The following CDC23 variants were observed in gnomAD, a reference collection of about 807,000 sequenced individuals.
CDC23 encodes cell division cycle 23.
In CDC23, 26 loss-of-function variants were observed where a neutral mutation model predicts 81.7. The ratio of observed to expected loss-of-function variants is 0.32; its 90% CI spans 0.23 to 0.44. The LOEUF (loss-of-function observed/expected upper bound fraction) is 0.44, where lower values mean the gene tolerates loss of function less well. CDC23 is among the 20% of genes least tolerant of loss of function. The pLI is 1.00. For missense variants in CDC23, 519 were observed against 728.0 expected (o/e 0.71, Z 3.30); for synonymous variants, 267 against 270.8 (o/e 0.99, Z 0.14).
chr5:138,199,050 G>C (rs1754953791), intron 6 of CDC23, among the ~76,000 whole-genome samples: 1 of 152,082 alleles, frequency 6.6e-6, no homozygotes, highest in Admixed American at 6.6e-5. Context: ...AAAGGGGAGA[G>C]GAAGAGAAAG....
intron 9 of CDC23, among the ~76,000 whole-genome samples, chr5:138,193,309 A>AC (rs1276300555): frequency 6.6e-6 from 1 of 152,140 alleles, no homozygotes; most frequent in East Asian, 1.9e-4. Context: ...CTAAAGAGGT[A>AC]CCCAGGCTGG....
chr5:138,194,785 G>A (rs180898942), intron 9 of CDC23, among the ~76,000 whole-genome samples: 12 of 144,718 alleles, frequency 8.3e-5, no homozygotes, highest in African/African-American at 3.1e-4. Context: ...GCAATGGTAC[G>A]ACCTTGGCTC....
chr5:138,195,722 GTATATATATA>G lies in CDC23; in HGVS notation c.1012+2467_1012+2476del, dbSNP rs1754889743. On this transcript the variant is annotated intron_variant, in intron 9 of 15. Transcript: ENST00000394886. ...ATGCATATATACATATAATATATAT[GTATATATATA>G]CATATAATATATATGTATATATATA... is the stretch of plus-strand genomic sequence containing the variant. Among the ~76,000 whole-genome samples, 11 of 52,428 alleles carry G rather than the reference GTATATATATA, an allele frequency of 2.1e-4. No individual in the cohort carries two copies. In the Admixed American group the frequency reaches 2.9e-3, roughly 14 times the overall value. 34.4% of individuals were successfully genotyped at this position (52,428 alleles called of 152,430 possible).
chr5:138,198,292 G>A lies in CDC23; in HGVS notation c.931-12C>T. On this transcript the variant is annotated splice_polypyrimidine_tract_variant and intron_variant, in intron 8 of 15. Transcript: ENST00000394886. ...TCCGATTTCATGCTCTGGGATAAAA[G>A]AAAAAGACAATATAAGCATGAAAAA... The A allele has an allele frequency of 1.2e-6, 2 of 1,609,452 alleles. No homozygotes were observed. The highest frequency in any genetic ancestry group is 1.7e-6 in the Non-Finnish European group (2 of 1,176,314).
chr5:138,203,470 G>A (rs1465794503), intron 3 of CDC23, among the ~76,000 whole-genome samples: 2 of 151,850 alleles, frequency 1.3e-5, no homozygotes, highest in African/African-American at 4.8e-5. Context: ...AAACAGGGAG[G>A]GAAGATTTAT....
At chr5:138,194,570 G>A (rs2126580821) in intron 9 of CDC23, among the ~76,000 whole-genome samples, 1 of 152,262 alleles carries the variant, frequency 6.6e-6, no homozygotes, top group African/African-American at 2.4e-5. Context: ...ATACACACGA[G>A]GGAACTTTTT....
At chr5:138,202,086 CA>C in intron 4 of CDC23, 26 bp downstream of exon 4, 1 of 1,589,918 alleles carries the variant, frequency 6.3e-7, no homozygotes, top group South Asian at 1.1e-5. Flanking sequence ...CTTTTTAGGT[CA>C]AAAGGTAAAA....
chr5:138,213,072 C>T lies in CDC23; in HGVS notation c.162-9G>A. ...AAGCCAACTCCGCCGACCTGGAACACCCACACAAACTAGATCAGCTCGACA... is the reference window on the plus strand; with the variant it reads ...AAGCCAACTCCGCCGACCTGGAACATCCACACAAACTAGATCAGCTCGACA... On this transcript the variant is annotated splice_polypyrimidine_tract_variant and intron_variant, in intron 1 of 15. Transcript: ENST00000394886. The T allele has an allele frequency of 6.2e-7, 1 of 1,614,100 alleles. No individual in the cohort carries two copies. Among genetic ancestry groups the T allele is most frequent in the Non-Finnish European group, 8.5e-7 (1 of 1,180,002 alleles).
intron 12 of CDC23, 75 bp from the exon 13 acceptor site, chr5:138,191,610 C>T (rs1445528340): frequency 7.3e-7 from 1 of 1,370,372 alleles, no homozygotes; most frequent in Non-Finnish European, 1.0e-6. Flanking sequence ...GGTTAAGACC[C>T]TGCAAGCCTC....
chr5:138,193,559 G>C (rs1302932427), intron 9 of CDC23, among the ~76,000 whole-genome samples: 2 of 151,460 alleles, frequency 1.3e-5, no homozygotes, highest in Non-Finnish European at 2.9e-5. Flanking sequence ...TCGTGCCACT[G>C]CACTCCAGCT....
At chr5:138,201,004 A>T (rs1754982859) in intron 6 of CDC23, 103 bp downstream of exon 6, 2 of 1,298,934 alleles carry the variant, frequency 1.5e-6, no homozygotes, top group East Asian at 4.7e-5. Context: ...CAAAGGGAGA[A>T]CTATAACCAA....
Position 138,189,114 on chromosome 5 carries a change from A to G in CDC23, c.1658T>C (p.Ile553Thr). 1 of 1,614,112 alleles carries G rather than the reference A, an allele frequency of 6.2e-7. No individual in the cohort carries two copies. Among genetic ancestry groups the G allele is most frequent in the Non-Finnish European group, 8.5e-7 (1 of 1,179,986 alleles). ...CTCGCCTTGGTTCCGAAGCTGTAGGATTTGCCGGAGTAAGGCCTTACCTTC... is the reference window on the plus strand; with the variant it reads ...CTCGCCTTGGTTCCGAAGCTGTAGGGTTTGCCGGAGTAAGGCCTTACCTTC... ...REEGKALLRQ[I>T]LQLRNQGETP... Residue 553 changes from isoleucine to threonine, a missense_variant, in exon 16 of 16, where the codon ATC becomes ACC. Physicochemically the swap from Ile to Thr is moderately conservative, Grantham distance 89. Coordinates refer to ENST00000394886, the MANE Select transcript of CDC23 (RefSeq NM_004661.4).
chr5:138,199,839 G>A (rs1477548668), intron 6 of CDC23, among the ~76,000 whole-genome samples: 1 of 152,148 alleles, frequency 6.6e-6, no homozygotes, highest in Non-Finnish European at 1.5e-5. Context: ...GTTACACATA[G>A]GTGAATAAAA....
At chr5:138,198,333 A>AT in intron 8 of CDC23, 53 bp from the exon 9 acceptor site, 1 of 1,583,064 alleles carries the variant, frequency 6.3e-7, no homozygotes, top group South Asian at 1.1e-5. Flanking sequence ...TCCCTAAATT[A>AT]TTTTTCCTGT....
chr5:138,206,417 T>A (rs1287992135), intron 3 of CDC23, 130 bp downstream of exon 3: 1 of 862,082 alleles, frequency 1.2e-6, no homozygotes, highest in African/African-American at 1.7e-5. Context: ...CTTTTTTTTA[T>A]TATTGCTATG....
rs763956714 is a variant in CDC23, at chr5:138,202,077, T to C, written c.415+36A>G. 1.0e-5 allele frequency: 16 copies of C among 1,560,202 alleles called. No individual in the cohort carries two copies. The African/African-American group carries it at 2.0e-4, about 20-fold the overall frequency. On this transcript the variant is annotated intron_variant, in intron 4 of 15. Coordinates refer to ENST00000394886, the MANE Select transcript of CDC23 (RefSeq NM_004661.4). ...GAGGCATTTAAGTTTGCAACCCTGC[T>C]TTTTAGGTCAAAAGGTAAAAGAAAA...
At chr5:138,198,345 G>A (rs899542253) in intron 8 of CDC23, 65 bp from the exon 9 acceptor site, 1 of 1,576,160 alleles carries the variant, frequency 6.3e-7, no homozygotes, top group Non-Finnish European at 8.7e-7. Context: ...TTTTCCTGTA[G>A]CTAATACAAG....
Position 138,192,062 on chromosome 5 carries a change from A to G in CDC23, c.1287-125T>C, listed in dbSNP as rs1754832990. ...TGGTCTTTAACCTGATGCTCCATAT[A>G]ATAGATTACTTTGTGTTCATAATTA... is the stretch of plus-strand genomic sequence containing the variant. On this transcript the variant is annotated intron_variant, in intron 11 of 15. Coordinates refer to ENST00000394886, the MANE Select transcript of CDC23 (RefSeq NM_004661.4). The G allele has an allele frequency of 3.2e-6, 3 of 928,316 alleles. No individual in the cohort carries two copies. In the South Asian group the frequency reaches 4.7e-5, roughly 14 times the overall value. The allele number at this position is 928,316 out of a possible 1,614,324, so 57.5% of individuals were successfully genotyped here.
intron 2 of CDC23, among the ~76,000 whole-genome samples, chr5:138,210,511 G>A (rs1755102353): frequency 6.6e-6 from 1 of 152,142 alleles, no homozygotes; most frequent in African/African-American, 2.4e-5. Context: ...GGGTGACAGA[G>A]CAACATTCCA....
Sources: allele counts gnomAD v4.1 joint callset (sites outside exome capture counted in the v4.1 genomes callset), GRCh38; gene constraint gnomAD v4.1.1; transcripts MANE v1.5; gene names NCBI Gene and HGNC (gene_info 2026-07-23, HGNC 2026-07-21).